The following ADGRB3 variants were observed in gnomAD, a reference collection of about 807,000 sequenced individuals.
The protein encoded by ADGRB3 is brain-specific angiogenesis inhibitor 3.
A neutral mutation model predicts 193.4 loss-of-function variants in ADGRB3; 37 were observed. The observed-to-expected ratio is 0.19, with a 90% CI of 0.15 to 0.25. The LOEUF is 0.25. Ranked by LOEUF, ADGRB3 falls within the 10% of genes least tolerant of loss-of-function variation. The pLI, the probability that ADGRB3 is intolerant of heterozygous loss-of-function variation, is 1.00. For missense variants in ADGRB3, 1,637 were observed against 1,852.9 expected (o/e 0.88, Z 2.14); for synonymous variants, 690 against 644.2 (o/e 1.07, Z -1.08).
chr6:68,918,029 T>C (rs1304999750), intron 3 of ADGRB3, among the ~76,000 whole-genome samples: 1 of 152,180 alleles, frequency 6.6e-6, no homozygotes, highest in Non-Finnish European at 1.5e-5. Context: ...AATAATAATC[T>C]ACAGAATATA....
chr6:68,931,723 A>G (rs1353794168), intron 4 of ADGRB3, among the ~76,000 whole-genome samples: 6 of 152,172 alleles, frequency 3.9e-5, no homozygotes, highest in Admixed American at 1.3e-4. Flanking sequence ...TCTACAGTAT[A>G]AAAATGCAAA....
chr6:68,682,513 A>G (rs1343174133), intron 3 of ADGRB3, among the ~76,000 whole-genome samples: 1 of 152,200 alleles, frequency 6.6e-6, no homozygotes, highest in Non-Finnish European at 1.5e-5. Flanking sequence ...TAGTGTAGAA[A>G]CTCATATCTT....
chr6:68,695,462 A>G (rs1348895714), intron 3 of ADGRB3, among the ~76,000 whole-genome samples: 2 of 152,046 alleles, frequency 1.3e-5, no homozygotes, highest in African/African-American at 2.4e-5. Context: ...AACTTTCAGC[A>G]AAAGGCCTCT....
chr6:69,257,706 T>C (rs1410194332), intron 20 of ADGRB3, among the ~76,000 whole-genome samples: 1 of 152,166 alleles, frequency 6.6e-6, no homozygotes, highest in Non-Finnish European at 1.5e-5. Context: ...ATCTTCAAGA[T>C]TTAGTTGACT....
chr6:69,244,594 A>G (rs186093128), intron 20 of ADGRB3, among the ~76,000 whole-genome samples: 4 of 152,188 alleles, frequency 2.6e-5, no homozygotes, highest in African/African-American at 9.6e-5. Flanking sequence ...TACCCTTTGA[A>G]GCAGACTGCC....
chr6:69,367,263 A>G (rs1769592584), intron 29 of ADGRB3, among the ~76,000 whole-genome samples: 1 of 152,138 alleles, frequency 6.6e-6, no homozygotes, highest in Non-Finnish European at 1.5e-5. Context: ...CAAAGGAGAG[A>G]CCAGACTTTG....
intron 3 of ADGRB3, among the ~76,000 whole-genome samples, chr6:68,660,262 G>A (rs998964709): frequency 6.7e-6 from 1 of 148,580 alleles, no homozygotes. Flanking sequence ...TATAAGTACA[G>A]TATTAAAATA....
intron 3 of ADGRB3, among the ~76,000 whole-genome samples, chr6:68,799,103 A>G (rs1430594074): frequency 6.6e-6 from 1 of 152,176 alleles, no homozygotes; most frequent in African/African-American, 2.4e-5. Context: ...AGATTGGTGA[A>G]TAGAGGGAGG....
chr6:69,274,378 G>A (rs1767245879), intron 20 of ADGRB3, among the ~76,000 whole-genome samples: 1 of 151,896 alleles, frequency 6.6e-6, no homozygotes, highest in African/African-American at 2.4e-5. Context: ...CATTACCGAA[G>A]CAGCGGACAG....
chr6:68,649,739 A>C (rs536841840), intron 3 of ADGRB3, among the ~76,000 whole-genome samples: 1 of 152,280 alleles, frequency 6.6e-6, no homozygotes, highest in East Asian at 1.9e-4. Context: ...CTTGTGATAC[A>C]TTGAGAAATA....
At chr6:68,950,787 A>G (rs556660616) in intron 6 of ADGRB3, among the ~76,000 whole-genome samples, 2 of 152,300 alleles carry the variant, frequency 1.3e-5, no homozygotes, top group South Asian at 4.1e-4. Flanking sequence ...AGCCACCATC[A>G]GCTCTCTCTG....
chr6:69,130,712 A>C (rs1052282364), intron 17 of ADGRB3, among the ~76,000 whole-genome samples: 1 of 151,718 alleles, frequency 6.6e-6, no homozygotes, highest in Non-Finnish European at 1.5e-5. Flanking sequence ...GTATTTAACC[A>C]TTATTATTAA....
chr6:69,386,132 T>C (rs913537), intron 31 of ADGRB3, among the ~76,000 whole-genome samples: 90,143 of 151,952 alleles, frequency 0.59, 29,061 homozygotes, highest in East Asian at 0.85. Context: ...TATTACCCAC[T>C]AATAGAACCT....
chr6:69,090,109 C>G (rs977973389), intron 17 of ADGRB3, among the ~76,000 whole-genome samples: 1 of 152,118 alleles, frequency 6.6e-6, no homozygotes, highest in Admixed American at 6.6e-5. Flanking sequence ...ATTCAAGTAG[C>G]CTTCTCTGCT....
intron 20 of ADGRB3, among the ~76,000 whole-genome samples, chr6:69,298,735 A>T (rs1034664325): frequency 6.6e-6 from 1 of 151,882 alleles, no homozygotes; most frequent in Admixed American, 6.6e-5. Context: ...TTGTGGCTGG[A>T]TCATATTCCA....
rs185486505 is a variant in ADGRB3 at position 68,725,704 on chromosome 6, T to C, written c.757+86272T>C. Among the ~76,000 whole-genome samples the C allele has an allele frequency of 2.4e-4, 37 of 151,428 alleles. No homozygotes were observed. In the East Asian group the frequency reaches 7.2e-3, roughly 30 times the overall value. ...AACTGATCTTATCTCAGGAGAGAGG[T>C]TAGAGTGAAAATCAAGATTTGAGCA... On this transcript the variant is annotated intron_variant, in intron 3 of 31. Coordinates refer to ENST00000370598, the MANE Select transcript of ADGRB3 (RefSeq NM_001704.3).
intron 3 of ADGRB3, among the ~76,000 whole-genome samples, chr6:68,872,623 C>T (rs2150220512): frequency 6.6e-6 from 1 of 152,132 alleles, no homozygotes; most frequent in Admixed American, 6.5e-5. Flanking sequence ...ATGATTGGCC[C>T]TTGTGAATGG....
intron 3 of ADGRB3, among the ~76,000 whole-genome samples, chr6:68,846,701 T>C (rs1768282913): frequency 6.6e-6 from 1 of 152,096 alleles, no homozygotes; most frequent in Admixed American, 6.5e-5. Context: ...TTTCAGAAGA[T>C]GTTTGGAAAT....
intron 20 of ADGRB3, among the ~76,000 whole-genome samples, chr6:69,318,035 A>G (rs372744061): frequency 4.0e-5 from 6 of 151,548 alleles, no homozygotes; most frequent in East Asian, 3.9e-4. Context: ...ATAAGGAGAT[A>G]TATTATCTGC....
Sources: allele counts gnomAD v4.1 joint callset (sites outside exome capture counted in the v4.1 genomes callset), GRCh38; gene constraint gnomAD v4.1.1; transcripts MANE v1.5; gene names NCBI Gene and HGNC (gene_info 2026-07-23, HGNC 2026-07-21).